The following MAN1A1 variants were observed in gnomAD, a reference collection of about 807,000 sequenced individuals.
MAN1A1 encodes mannosidase alpha class 1A member 1, also known as mannosyl-oligosaccharide 1,2-alpha-mannosidase IA.
Under a neutral mutation model 70.8 loss-of-function variants are expected in MAN1A1, and 29 were observed. The observed-to-expected ratio is 0.41, with a 90% CI of 0.31 to 0.56. MAN1A1 has a LOEUF of 0.56. Ranked by LOEUF, MAN1A1 falls within the 20% of genes least tolerant of loss-of-function variation. MAN1A1 has a pLI of 0.29. For missense variants in MAN1A1, 747 were observed against 841.3 expected (o/e 0.89, Z 1.39); for synonymous variants, 349 against 330.1 (o/e 1.06, Z -0.62).
intron 6 of MAN1A1, among the ~76,000 whole-genome samples, chr6:119,239,194 A>G (rs1262608386): frequency 6.6e-6 from 1 of 152,208 alleles, no homozygotes; most frequent in Non-Finnish European, 1.5e-5. Flanking sequence ...TGGGTCTATT[A>G]TTAAAAGATG....
intron 11 of MAN1A1, among the ~76,000 whole-genome samples, chr6:119,186,779 C>T (rs1356481389): frequency 2.6e-5 from 4 of 152,120 alleles, no homozygotes; most frequent in African/African-American, 4.8e-5. Flanking sequence ...CGGGGGTGGG[C>T]ATAACACCAG....
intron 6 of MAN1A1, among the ~76,000 whole-genome samples, chr6:119,212,115 C>A (rs1323996101): frequency 1.3e-5 from 2 of 151,400 alleles, no homozygotes; most frequent in Non-Finnish European, 2.9e-5. Flanking sequence ...GCTGGGATTA[C>A]AGGTGTGAGC....
chr6:119,285,461 C>T (rs1278070616), intron 5 of MAN1A1, among the ~76,000 whole-genome samples: 6 of 152,098 alleles, frequency 3.9e-5, no homozygotes, highest in African/African-American at 7.2e-5. Context: ...GACACACATC[C>T]GAACTATATC....
intron 11 of MAN1A1, 49 bp from the exon 12 acceptor site, chr6:119,180,476 T>G (rs1374685704): frequency 4.2e-6 from 4 of 962,638 alleles, no homozygotes; most frequent in Non-Finnish European, 6.5e-6. Context: ...GTAAACTGAT[T>G]GTCACTAATT....
intron 2 of MAN1A1, among the ~76,000 whole-genome samples, chr6:119,346,037 C>A (rs1773718899): frequency 6.6e-6 from 1 of 152,084 alleles, no homozygotes; most frequent in African/African-American, 2.4e-5. Context: ...ACCCAGGAGG[C>A]AGAGGTTGGA....
At chr6:119,291,168 T>C (rs1207495327) in intron 4 of MAN1A1, among the ~76,000 whole-genome samples, 3 of 152,002 alleles carry the variant, frequency 2.0e-5, no homozygotes, top group Non-Finnish European at 4.4e-5. Context: ...GTTCTTGTGA[T>C]AGTGAATAAG....
At chr6:119,293,666 T>C (rs1456630885) in intron 4 of MAN1A1, among the ~76,000 whole-genome samples, 1 of 152,142 alleles carries the variant, frequency 6.6e-6, no homozygotes, top group Non-Finnish European at 1.5e-5. Context: ...GAAACCTTAA[T>C]TTGAGGTCTC....
chr6:119,324,408 G>A (rs970453135), intron 2 of MAN1A1, among the ~76,000 whole-genome samples: 1 of 152,080 alleles, frequency 6.6e-6, no homozygotes, highest in Non-Finnish European at 1.5e-5. Context: ...TGGTAGTTAA[G>A]TTTGGGGGGG....
At chr6:119,263,591 T>A (rs1463308932) in intron 5 of MAN1A1, among the ~76,000 whole-genome samples, 1 of 152,168 alleles carries the variant, frequency 6.6e-6, no homozygotes, top group African/African-American at 2.4e-5. Context: ...TCTGTTTACC[T>A]AACTTCCATG....
At chr6:119,275,463 C>T (rs1286580975) in intron 5 of MAN1A1, among the ~76,000 whole-genome samples, 2 of 147,560 alleles carry the variant, frequency 1.4e-5, no homozygotes, top group East Asian at 2.0e-4. Context: ...CCCGCCACTA[C>T]GCCCGGCTAA....
intron 7 of MAN1A1, among the ~76,000 whole-genome samples, 154 bp from the exon 8 acceptor site, chr6:119,201,501 G>A (rs1582691289): frequency 6.6e-6 from 1 of 152,290 alleles, no homozygotes; most frequent in Non-Finnish European, 1.5e-5. Context: ...ATGGCAGTAA[G>A]TGAATATAGT....
intron 6 of MAN1A1, among the ~76,000 whole-genome samples, chr6:119,228,757 T>C (rs1034298476): frequency 5.9e-5 from 9 of 152,084 alleles, no homozygotes; most frequent in African/African-American, 2.2e-4. Flanking sequence ...TGAAAATAAA[T>C]AGTTATAATT....
chr6:119,326,120 T>C (rs771947158), intron 2 of MAN1A1, among the ~76,000 whole-genome samples: 2 of 152,096 alleles, frequency 1.3e-5, no homozygotes, highest in Middle Eastern at 3.2e-3. Flanking sequence ...CGTAGATAGG[T>C]GAAATACAGC....
intron 2 of MAN1A1, among the ~76,000 whole-genome samples, chr6:119,343,122 A>T (rs1393994750): frequency 1.3e-5 from 2 of 151,662 alleles, no homozygotes; most frequent in Non-Finnish European, 2.9e-5. Context: ...AACTACTTTG[A>T]TCCATCGTTG....
At chr6:119,232,738 G>A (rs1303723217) in intron 6 of MAN1A1, among the ~76,000 whole-genome samples, 1 of 149,644 alleles carries the variant, frequency 6.7e-6, no homozygotes, top group Non-Finnish European at 1.5e-5. Context: ...AATCCTTGTA[G>A]GCTATAGAAA....
At chr6:119,218,796 C>T (rs1282120041) in intron 6 of MAN1A1, among the ~76,000 whole-genome samples, 1 of 152,234 alleles carries the variant, frequency 6.6e-6, no homozygotes, top group South Asian at 2.1e-4. Context: ...CTGGTTCACA[C>T]CTGGCACCCT....
chr6:119,262,163 T>G (rs1029462439), intron 5 of MAN1A1, among the ~76,000 whole-genome samples: 1 of 152,190 alleles, frequency 6.6e-6, no homozygotes, highest in Non-Finnish European at 1.5e-5. Context: ...GTTTCAGCAC[T>G]AAACAAATAC....
chr6:119,272,926 T>C (rs1021710815), intron 5 of MAN1A1, among the ~76,000 whole-genome samples: 36 of 152,280 alleles, frequency 2.4e-4, no homozygotes, highest in African/African-American at 8.2e-4. Context: ...TAACAGCTAA[T>C]AGATGTTGTT....
chr6:119,231,092 G>C (rs916050727), intron 6 of MAN1A1, among the ~76,000 whole-genome samples: 4 of 152,222 alleles, frequency 2.6e-5, no homozygotes, highest in African/African-American at 9.6e-5. Flanking sequence ...TAGGGTTACA[G>C]AGTGCAGTGC....
Sources: allele counts gnomAD v4.1 joint callset (sites outside exome capture counted in the v4.1 genomes callset), GRCh38; gene constraint gnomAD v4.1.1; transcripts MANE v1.5; gene names NCBI Gene and HGNC (gene_info 2026-07-23, HGNC 2026-07-21).